DICER1: variants seen among roughly 807,000 people sequenced by gnomAD.
The protein encoded by DICER1 is endoribonuclease Dicer.
DICER1 carries 43 observed loss-of-function variants against 194.1 expected under a neutral mutation model. The observed-to-expected ratio is 0.22, with a 90% CI of 0.17 to 0.29. The LOEUF is 0.29. DICER1 is among the 10% of genes least tolerant of loss of function. The probability of loss-of-function intolerance (pLI) is 1.00; values close to 1 mark genes in which losing one functional copy is unlikely to be tolerated. For missense variants in DICER1, 1,608 were observed against 2,317.0 expected (o/e 0.69, Z 6.28); for synonymous variants, 832 against 820.5 (o/e 1.01, Z -0.24).
intron 21 of DICER1, among the ~76,000 whole-genome samples, chr14:95,101,750 G>A (rs558346264): frequency 4.6e-5 from 7 of 152,326 alleles, no homozygotes; most frequent in African/African-American, 1.7e-4. Context: ...TGACCTGACA[G>A]GAGCCCATTC....
Position 95,103,839 on chromosome 14 carries a change from T to A in DICER1, c.3557A>T (p.Asn1186Ile), listed in dbSNP as rs201523588. 9 of 1,614,212 alleles carry A rather than the reference T, an allele frequency of 5.6e-6. No homozygotes were observed. The highest frequency in any genetic ancestry group is 1.3e-5 in the African/African-American group (1 of 75,038). ...TCTGTTAGCTAAATCATAACTGCCA[T>A]TGGCGAGATTTTGATTGTAAGAAAG... ...NGLSYNQNLA[N>I]GSYDLANRDF... is the part of the protein sequence containing the mutation. The change falls in exon 21 of 27, where the codon AAT (asparagine) becomes ATT (isoleucine). Residue 1186 changes from asparagine to isoleucine, a missense_variant. Asn to Ile is a moderately radical substitution (Grantham distance 149). Around this residue, in one of 10 missense-constraint regions of DICER1, gnomAD observed 222 missense variants for 215.5 expected, o/e 1.03. Coordinates refer to ENST00000343455, the MANE Select transcript of DICER1 (RefSeq NM_177438.3).
rs1895959918 is a variant in DICER1 at position 95,157,318 on chromosome 14, G to GCGCCGCCGCCCC, written c.-146_-135dup. On this transcript the variant is annotated 5_prime_UTR_variant, in exon 1 of 27. Coordinates refer to ENST00000343455, the MANE Select transcript of DICER1 (RefSeq NM_177438.3). ...AGCCCAGGCCTCCCGGAGCCGCCCG[G>GCGCCGCCGCCCC]CGCCGCCGCCCCCGCCGCCATTTCC... 1 of 155,120 alleles carries GCGCCGCCGCCCC rather than the reference G, an allele frequency of 6.4e-6. No individual in the cohort carries two copies. Among genetic ancestry groups the GCGCCGCCGCCCC allele is most frequent in the African/African-American group, 2.4e-5 (1 of 41,364 alleles). The allele number at this position is 155,120 out of a possible 1,614,324, so 9.6% of individuals were successfully genotyped here. A position where few individuals can be genotyped will look rare whatever the true frequency, so the allele number is the denominator to read the frequency against.
Position 95,133,533 on chromosome 14 carries a change from C to T in DICER1, c.-45-30G>A, listed in dbSNP as rs896141569. 18 of 1,473,608 alleles carry T rather than the reference C, an allele frequency of 1.2e-5. No individual in the cohort carries two copies. The African/African-American group carries it at 2.5e-4, about 21-fold the overall frequency. The allele number at this position is 1,473,608 out of a possible 1,614,324, so 91.3% of individuals were successfully genotyped here. A position where few individuals can be genotyped will look rare whatever the true frequency, so the allele number is the denominator to read the frequency against. On this transcript the variant is annotated intron_variant, in intron 1 of 26. Coordinates refer to ENST00000343455, the MANE Select transcript of DICER1 (RefSeq NM_177438.3). ...AAAAGGGAAAAAGAATACCATTACA[C>T]AATCATGCAGGGTTAAAAACAAAGA...
chr14:95,141,336 G>A (rs1193465474), intron 1 of DICER1: 1 of 152,034 alleles, frequency 6.6e-6, no homozygotes, highest in Non-Finnish European at 1.5e-5. Flanking sequence ...GTTAATGTCG[G>A]GCATAAATTT....
chr14:95,111,833 G>A (rs1481629331), intron 13 of DICER1, among the ~76,000 whole-genome samples: 2 of 151,202 alleles, frequency 1.3e-5, no homozygotes, highest in East Asian at 3.9e-4. Context: ...TTCTATACTA[G>A]TATAGACTAA....
Position 95,105,237 on chromosome 14 carries a change from G to C in DICER1, c.3103C>G (p.Pro1035Ala). 6.2e-7 allele frequency: 1 copy of C among 1,613,136 alleles called. No individual in the cohort carries two copies. ...ESLQNKQILVPELCAIHPIPA... is the reference protein window; with the variant it reads ...ESLQNKQILVAELCAIHPIPA... ...ATTGGATGTATAGCACAGAGTTCTG[G>C]AACCAGTATCTTCAAGTAAGGGGAA... The change falls in exon 20 of 27, where the codon CCA (proline) becomes GCA (alanine). Residue 1035 changes from proline to alanine, a missense_variant. Physicochemically the swap from Pro to Ala is conservative, Grantham distance 27. Transcript: ENST00000343455. This position sits in a 1 kb window ranked among gnomAD's most constrained non-coding sequence, Gnocchi z 4.9.
intron 11 of DICER1, among the ~76,000 whole-genome samples, chr14:95,115,350 G>A (rs527606910): frequency 6.6e-6 from 1 of 152,008 alleles, no homozygotes; most frequent in East Asian, 1.9e-4. Flanking sequence ...TTACCCAATG[G>A]TTATGGCACA....
intron 24 of DICER1, among the ~76,000 whole-genome samples, chr14:95,092,980 A>G (rs998794439): frequency 1.3e-5 from 2 of 152,238 alleles, no homozygotes; most frequent in Non-Finnish European, 2.9e-5. Flanking sequence ...TGACTCCTCC[A>G]GTGCACATCT....
At chr14:95,098,773 G>A (rs1041525568) in intron 22 of DICER1, among the ~76,000 whole-genome samples, 1 of 152,118 alleles carries the variant, frequency 6.6e-6, no homozygotes, top group Non-Finnish European at 1.5e-5. Context: ...GACCTAACTT[G>A]CATTAAAATA....
chr14:95,130,007 A>AT (rs764264085), intron 5 of DICER1, 51 bp downstream of exon 5: 1 of 1,573,386 alleles, frequency 6.4e-7, no homozygotes. Context: ...AAAAATCTGC[A>AT]TTTACTCAAT....
At chr14:95,139,234 G>A (rs1297609394) in intron 1 of DICER1, among the ~76,000 whole-genome samples, 2 of 152,120 alleles carry the variant, frequency 1.3e-5, no homozygotes, top group East Asian at 3.8e-4. Flanking sequence ...ATGTACTTCT[G>A]TAATTTTATA....
intron 23 of DICER1, among the ~76,000 whole-genome samples, chr14:95,094,597 C>T (rs1352711422): frequency 6.6e-6 from 1 of 152,216 alleles, no homozygotes; most frequent in Non-Finnish European, 1.5e-5. Context: ...AAGTCTCATT[C>T]ACACTCTGGA....
chr14:95,137,882 A>G (rs1368522913), intron 1 of DICER1: 1 of 154,684 alleles, frequency 6.5e-6, no homozygotes, highest in Non-Finnish European at 1.5e-5. Context: ...AAATCTGGAC[A>G]GTTCTTCCTC....
In DICER1 at chr14:95,093,999, C is replaced by T. The variant is rs1595330100; in HGVS notation, c.5253G>A (p.Lys1751=). 1.2e-6 allele frequency: 2 copies of T among 1,614,114 alleles called. No individual in the cohort carries two copies. The highest frequency in any genetic ancestry group is 1.7e-6 in the Non-Finnish European group (2 of 1,180,018). Residue 1751 remains lysine, a synonymous_variant, in exon 24 of 27, where the codon AAG becomes AAA. Transcript: ENST00000343455. The part of the protein sequence containing the change: ...NNTIFASLAV[K]YDYHKYFKAV... Reference sequence around the variant, plus strand: ...CTTTGAAGTACTTGTGGTAGTCGTACTTTACAGCCAGCGATGCAAAGATGG... The same window carrying T: ...CTTTGAAGTACTTGTGGTAGTCGTATTTTACAGCCAGCGATGCAAAGATGG...
At chr14:95,113,289 C>T (rs1892147148) in intron 11 of DICER1, 65 bp from the exon 12 acceptor site, 5 of 1,517,966 alleles carry the variant, frequency 3.3e-6, no homozygotes, top group Non-Finnish European at 3.7e-6. Context: ...TTTATAACCT[C>T]GAGTTTGATT....
chr14:95,096,878 A>C (rs1747615786), intron 22 of DICER1, among the ~76,000 whole-genome samples, 165 bp from the exon 23 acceptor site: 1 of 152,270 alleles, frequency 6.6e-6, no homozygotes, highest in Non-Finnish European at 1.5e-5. Context: ...ACATAAAATA[A>C]GTTATTTAAT....
At chr14:95,110,199 A>T (rs1054922597) in intron 14 of DICER1, among the ~76,000 whole-genome samples, 1 of 152,236 alleles carries the variant, frequency 6.6e-6, no homozygotes, top group Non-Finnish European at 1.5e-5. Context: ...CATTAAAATA[A>T]ATGTGAGCTA....
chr14:95,112,446 C>T (rs550540785), intron 12 of DICER1, among the ~76,000 whole-genome samples, 199 bp from the exon 13 acceptor site: 1 of 152,102 alleles, frequency 6.6e-6, no homozygotes, highest in East Asian at 1.9e-4. Context: ...AAAGTCCTGC[C>T]TAGTAAAAAC....
chr14:95,100,412 T>C (rs1890773043), intron 21 of DICER1, among the ~76,000 whole-genome samples: 2 of 152,318 alleles, frequency 1.3e-5, no homozygotes, highest in South Asian at 4.1e-4. Context: ...CGAACAAAAC[T>C]GAAACAATGT....
Sources: gnomAD v4.1 joint callset for allele counts (sites outside exome capture counted in the v4.1 genomes callset) on GRCh38, gnomAD v4.1.1 for gene constraint, gnomAD v4.1.1 regional missense constraint, Gnocchi (gnomAD v3.1) non-coding constraint, MANE v1.5 for transcripts, NCBI Gene and HGNC (gene_info 2026-07-23, HGNC 2026-07-21) for gene names.